The following ACBD6 variants were observed in gnomAD, a reference collection of about 807,000 sequenced individuals.
The protein encoded by ACBD6 is acyl-CoA-binding domain-containing protein 6.
Under a neutral mutation model 37.2 loss-of-function variants are expected in ACBD6, and 28 were observed. That is an observed-to-expected ratio of 0.75 (90% CI 0.56 to 1.03). The LOEUF is 1.03. Ranked by LOEUF, ACBD6 falls within the 50% of genes least tolerant of loss-of-function variation. The probability of loss-of-function intolerance (pLI) is 0.00; values close to 1 mark genes in which losing one functional copy is unlikely to be tolerated. For missense variants in ACBD6, 340 were observed against 337.4 expected (o/e 1.01, Z -0.06); for synonymous variants, 113 against 126.8 (o/e 0.89, Z 0.73).
Position 180,495,452 on chromosome 1 carries a change from A to G in ACBD6, c.287+9T>C, listed in dbSNP as rs1231508528. ...AACAACCTCATTAAAGATTCCAGGA[A>G]TTTCTTACCATTTTTGCTTTCCTTC... On this transcript the variant is annotated intron_variant, in intron 2 of 7. Coordinates refer to ENST00000367595, the MANE Select transcript of ACBD6 (RefSeq NM_032360.4). 1.3e-6 allele frequency: 2 copies of G among 1,590,828 alleles called. No individual in the cohort carries two copies. The highest frequency in any genetic ancestry group is 1.7e-6 in the Non-Finnish European group (2 of 1,166,834).
At chr1:180,341,518 T>A (rs1019996740) in intron 6 of ACBD6, among the ~76,000 whole-genome samples, 2 of 152,144 alleles carry the variant, frequency 1.3e-5, no homozygotes, top group African/African-American at 4.8e-5. Context: ...CTATTTTCTG[T>A]ATAGGTTCCA....
At chr1:180,378,488 A>G (rs1473983443) in intron 6 of ACBD6, among the ~76,000 whole-genome samples, 1 of 152,252 alleles carries the variant, frequency 6.6e-6, no homozygotes, top group East Asian at 1.9e-4. Flanking sequence ...TTTGACAGTT[A>G]TATTATGGTT....
At chr1:180,377,408 C>A (rs1049566094) in intron 6 of ACBD6, among the ~76,000 whole-genome samples, 1 of 152,108 alleles carries the variant, frequency 6.6e-6, no homozygotes, top group African/African-American at 2.4e-5. Flanking sequence ...CATCTAGTGT[C>A]CAGCTCTTAG....
At chr1:180,273,573 C>G (rs1455394892) in intron 11 of ACBD6, 1 of 152,464 alleles carries the variant, frequency 6.6e-6, no homozygotes, top group African/African-American at 2.4e-5. Context: ...TAATGAAATT[C>G]TTTAAGAAAA....
At chr1:180,415,151 C>T (rs1648029714) in intron 4 of ACBD6, among the ~76,000 whole-genome samples, 1 of 151,934 alleles carries the variant, frequency 6.6e-6, no homozygotes, top group Admixed American at 6.6e-5. Flanking sequence ...ATCAGGTCTG[C>T]ATTTTGGGAG....
At chr1:180,367,395 T>C (rs1400685190) in intron 6 of ACBD6, among the ~76,000 whole-genome samples, 2 of 152,176 alleles carry the variant, frequency 1.3e-5, no homozygotes, top group Non-Finnish European at 2.9e-5. Flanking sequence ...TTAAAAAAAC[T>C]TTTATTTTAG....
chr1:180,318,284 C>T (rs2764438), intron 6 of ACBD6, among the ~76,000 whole-genome samples: 19,701 of 151,034 alleles, frequency 0.13, 2,117 homozygotes, highest in African/African-American at 0.3. Context: ...AAAGATAAAA[C>T]CTTGCTCTTT....
chr1:180,377,738 G>A (rs181503946), intron 6 of ACBD6, among the ~76,000 whole-genome samples: 2 of 151,924 alleles, frequency 1.3e-5, no homozygotes, highest in African/African-American at 4.8e-5. Flanking sequence ...ACCTGAGGTC[G>A]GGAGTTTGAG....
At chr1:180,389,924 T>G (rs1055896009) in intron 6 of ACBD6, among the ~76,000 whole-genome samples, 78 of 152,256 alleles carry the variant, frequency 5.1e-4, no homozygotes, top group Non-Finnish European at 7.1e-4. Context: ...ATGAGTAGGT[T>G]GCGAAAATTT....
At chr1:180,478,046 CTAATAAATTT>C (rs2102066662) in intron 3 of ACBD6, among the ~76,000 whole-genome samples, 1 of 151,656 alleles carries the variant, frequency 6.6e-6, no homozygotes, top group East Asian at 1.9e-4. Context: ...TCTAAATTTT[CTAATAAATTT>C]AGATCACCAT....
At position 180,339,404 on chromosome 1, in the gene ACBD6, C is replaced by T. The variant is rs952679319; in HGVS notation, c.664-24682G>A. Among the ~76,000 whole-genome samples, 11 of 152,170 alleles carry T rather than the reference C, an allele frequency of 7.2e-5. 1 individual carries two copies. The highest frequency in any genetic ancestry group is 4.6e-4 in the Admixed American group (7 of 15,278). Reference sequence around the variant, plus strand: ...TAGTGACATGGATGAAGCTGGAAACCGTCATTCTCAGCAAACTATTGCAAG... The same window carrying T: ...TAGTGACATGGATGAAGCTGGAAACTGTCATTCTCAGCAAACTATTGCAAG... On this transcript the variant is annotated intron_variant, in intron 6 of 7. Coordinates refer to ENST00000367595, the MANE Select transcript of ACBD6 (RefSeq NM_032360.4).
intron 3 of ACBD6, among the ~76,000 whole-genome samples, chr1:180,431,232 C>A (rs1648802909): frequency 6.6e-6 from 1 of 151,902 alleles, no homozygotes. Flanking sequence ...CCGGAGATAG[C>A]ATATTCTATC....
chr1:180,366,656 G>A (rs566377413), intron 6 of ACBD6, among the ~76,000 whole-genome samples: 19 of 152,242 alleles, frequency 1.2e-4, no homozygotes, highest in African/African-American at 4.3e-4. Flanking sequence ...AGCAAAGGAA[G>A]TGACTATTCA....
At chr1:180,271,382 G>A (rs1319838304) in exon 14 of ACBD6, 1 of 1,614,188 alleles carries the variant, frequency 6.2e-7, no homozygotes, top group South Asian at 1.1e-5. Context: ...CCTTGCAGAT[G>A]ACTCAGAGGC....
intron 3 of ACBD6, among the ~76,000 whole-genome samples, chr1:180,462,733 G>C (rs570680975): frequency 6.6e-6 from 1 of 152,210 alleles, no homozygotes; most frequent in Non-Finnish European, 1.5e-5. Context: ...AAATGGACCT[G>C]ATAAGTATCT....
At chr1:180,407,804 C>A (rs1490614099) in intron 5 of ACBD6, among the ~76,000 whole-genome samples, 1 of 152,146 alleles carries the variant, frequency 6.6e-6, no homozygotes, top group Non-Finnish European at 1.5e-5. Flanking sequence ...AGTGAAAGTA[C>A]TCTGTAAACT....
chr1:180,344,556 T>C (rs754219375), intron 6 of ACBD6, among the ~76,000 whole-genome samples: 1 of 152,226 alleles, frequency 6.6e-6, no homozygotes, highest in Non-Finnish European at 1.5e-5. Context: ...TGTTTAACCT[T>C]CCAGTGCTAC....
chr1:180,406,701 C>G (rs984754215), intron 5 of ACBD6, among the ~76,000 whole-genome samples: 2 of 152,034 alleles, frequency 1.3e-5, no homozygotes, highest in African/African-American at 4.8e-5. Flanking sequence ...GTGCTCACAG[C>G]AAATTTTAAG....
chr1:180,324,478 G>T (rs1315785219), intron 6 of ACBD6, among the ~76,000 whole-genome samples: 2 of 151,038 alleles, frequency 1.3e-5, no homozygotes, highest in Admixed American at 6.6e-5. Flanking sequence ...AAACAAATAG[G>T]CAAAAAAAAA....
Sources: allele counts gnomAD v4.1 joint callset (sites outside exome capture counted in the v4.1 genomes callset), GRCh38; gene constraint gnomAD v4.1.1; transcripts MANE v1.5; gene names NCBI Gene and HGNC (gene_info 2026-07-23, HGNC 2026-07-21).